Variants in PIK3R4 observed in about 807,000 individuals in gnomAD.
PIK3R4 encodes phosphoinositide 3-kinase regulatory subunit 4.
In PIK3R4, 46 loss-of-function variants were observed where a neutral mutation model predicts 136.5. The observed-to-expected ratio is 0.34, with a 90% confidence interval of 0.27 to 0.43. The LOEUF (loss-of-function observed/expected upper bound fraction) is 0.43, where lower values mean the gene tolerates loss of function less well. Ranked by LOEUF, PIK3R4 falls within the 20% of genes least tolerant of loss-of-function variation. The probability of loss-of-function intolerance (pLI) is 1.00; values close to 1 mark genes in which losing one functional copy is unlikely to be tolerated. For synonymous variants in PIK3R4, 557 were observed against 566.7 expected (o/e 0.98, Z 0.24); for missense variants, 1,331 against 1,649.5 (o/e 0.81, Z 3.35).
chr3:130,728,539 C>A lies in PIK3R4; in HGVS notation c.1731G>T (p.Leu577Phe). Residue 577 changes from leucine (L) to phenylalanine (F), a missense_variant, in exon 6 of 20, where the codon TTG (leucine) becomes TTT (phenylalanine). Physicochemically the swap from Leu to Phe is conservative, Grantham distance 22. This residue lies in a region of PIK3R4 where 1,180 missense variants were observed against 1,407.0 expected (regional missense o/e 0.84). Transcript: ENST00000356763. The part of the protein sequence containing the change: ...FFGRQKANDV[L>F]LSHMITFLND... ...TTAGGAAAGTAATCATGTGGGACAA[C>A]AAAACATCGTTGGCTTTCTGACGTC... 1 of 1,613,712 alleles carries A rather than the reference C, an allele frequency of 6.2e-7. No individual in the cohort carries two copies. The highest frequency in any genetic ancestry group is 1.7e-5 in the Admixed American group (1 of 59,992).
At chr3:130,704,291 T>G (rs567844989) in intron 12 of PIK3R4, among the ~76,000 whole-genome samples, 2 of 152,198 alleles carry the variant, frequency 1.3e-5, no homozygotes, top group African/African-American at 4.8e-5. Flanking sequence ...CAAAGACAGA[T>G]TCTATCATAA....
rs150681586 is a variant in PIK3R4 at position 130,679,904 on chromosome 3, C to T, written c.3907-419G>A. Among the ~76,000 whole-genome samples, 112 of 151,898 alleles carry T rather than the reference C, an allele frequency of 7.4e-4. 1 individual carries two copies. The East Asian group carries it at 0.014, about 19-fold the overall frequency. On this transcript the variant is annotated intron_variant, in intron 19 of 19. Coordinates refer to ENST00000356763, the MANE Select transcript of PIK3R4 (RefSeq NM_014602.3). Reference sequence around the variant, plus strand: ...CATCCTGGCCAACATGGTGAAACCCCGTCTCTACTAAAAATACAAAAATTA... The same window carrying T: ...CATCCTGGCCAACATGGTGAAACCCTGTCTCTACTAAAAATACAAAAATTA...
intron 16 of PIK3R4, 59 bp downstream of exon 16, chr3:130,684,191 G>A: frequency 6.7e-7 from 1 of 1,497,558 alleles, no homozygotes; most frequent in South Asian, 1.2e-5. Flanking sequence ...TTGGCAACAG[G>A]TTATTATGTA....
chr3:130,736,164 A>T (rs902566068), intron 2 of PIK3R4, among the ~76,000 whole-genome samples, 162 bp from the exon 3 acceptor site: 1 of 152,228 alleles, frequency 6.6e-6, no homozygotes, highest in East Asian at 1.9e-4. Flanking sequence ...GCTGACAGGG[A>T]AAATGTCTAT....
intron 13 of PIK3R4, among the ~76,000 whole-genome samples, chr3:130,698,739 C>T (rs1559822338): frequency 6.6e-6 from 1 of 152,142 alleles, no homozygotes; most frequent in Non-Finnish European, 1.5e-5. Context: ...TTGTTCAAAA[C>T]TGTGCATTCA....
chr3:130,686,477 T>C lies in PIK3R4; in HGVS notation c.3264-55A>G, dbSNP rs557244811. On this transcript the variant is annotated intron_variant, in intron 14 of 19. Transcript: ENST00000356763. ...CCAGTCACTGAAAACATAGCACTAG[T>C]CTCCCTTTAAGATGACTTTATATCC... is the stretch of plus-strand genomic sequence containing the variant. The C allele has an allele frequency of 2.8e-3, 2,962 of 1,045,800 alleles. 6 individuals are homozygous for C. The highest frequency in any genetic ancestry group is 3.9e-3 in the Non-Finnish European group (2,612 of 664,490). The allele number at this position is 1,045,800 out of a possible 1,614,324, so 64.8% of individuals were successfully genotyped here. A position where few individuals can be genotyped will look rare whatever the true frequency, so the allele number is the denominator to read the frequency against.
intron 13 of PIK3R4, among the ~76,000 whole-genome samples, chr3:130,698,699 T>A (rs2066559881): frequency 6.6e-6 from 1 of 152,160 alleles, no homozygotes; most frequent in South Asian, 2.1e-4. Flanking sequence ...AAGCCATCCT[T>A]ACTTGTTTCT....
At chr3:130,690,894 CTTTTTTTT>C (rs1247659280) in intron 13 of PIK3R4, among the ~76,000 whole-genome samples, 2 of 131,884 alleles carry the variant, frequency 1.5e-5, no homozygotes, top group Non-Finnish European at 3.2e-5. Context: ...TCCTTCTCCT[CTTTTTTTT>C]TTTTTTTTTT....
At chr3:130,682,283 T>TA (rs1458081111) in intron 16 of PIK3R4, among the ~76,000 whole-genome samples, 1 of 152,070 alleles carries the variant, frequency 6.6e-6, no homozygotes, top group Non-Finnish European at 1.5e-5. Flanking sequence ...GAAAGCAGTA[T>TA]AACAATGAAA....
At chr3:130,685,391 G>A (rs373573228) in intron 15 of PIK3R4, among the ~76,000 whole-genome samples, 2 of 152,196 alleles carry the variant, frequency 1.3e-5, no homozygotes, top group South Asian at 4.1e-4. Context: ...ATATACAATT[G>A]TTTGTCAAAA....
chr3:130,740,986 T>C (rs2066820347), intron 2 of PIK3R4, among the ~76,000 whole-genome samples: 1 of 152,202 alleles, frequency 6.6e-6, no homozygotes, highest in African/African-American at 2.4e-5. Flanking sequence ...GCTTTCAAGT[T>C]TGAAATTACA....
At chr3:130,734,636 A>G (rs538236278) in intron 3 of PIK3R4, among the ~76,000 whole-genome samples, 6 of 152,218 alleles carry the variant, frequency 3.9e-5, no homozygotes, top group Admixed American at 3.3e-4. Context: ...TCTAGGATCT[A>G]ATCAGTAGGG....
intron 2 of PIK3R4, among the ~76,000 whole-genome samples, chr3:130,743,278 G>A (rs1576465850): frequency 6.6e-6 from 1 of 151,908 alleles, no homozygotes; most frequent in Non-Finnish European, 1.5e-5. Context: ...AGTCAACTGG[G>A]TGTGGTGGTG....
intron 2 of PIK3R4, among the ~76,000 whole-genome samples, chr3:130,738,487 A>AAC (rs1346826718): frequency 6.6e-6 from 1 of 152,088 alleles, no homozygotes; most frequent in Non-Finnish European, 1.5e-5. Context: ...AGCAGAGTAC[A>AAC]ACACACACAC....
At chr3:130,679,536 A>G in intron 19 of PIK3R4, 51 bp from the exon 20 acceptor site, 1 of 1,353,784 alleles carries the variant, frequency 7.4e-7, no homozygotes, top group Non-Finnish European at 1.0e-6. Flanking sequence ...TCTGTACCAC[A>G]TTTTTCCTCT....
At chr3:130,695,338 G>A (rs1450327738) in intron 13 of PIK3R4, among the ~76,000 whole-genome samples, 2 of 152,060 alleles carry the variant, frequency 1.3e-5, no homozygotes, top group South Asian at 4.1e-4. Context: ...AAGAATGGAT[G>A]TTACATTAGT....
At chr3:130,687,109 A>C (rs2066494666) in intron 14 of PIK3R4, among the ~76,000 whole-genome samples, 2 of 151,386 alleles carry the variant, frequency 1.3e-5, no homozygotes, top group Admixed American at 6.6e-5. Flanking sequence ...TTGCATATAC[A>C]TAATGAGGTA....
At chr3:130,718,274 C>CT in intron 8 of PIK3R4, 115 bp downstream of exon 8, 1 of 862,490 alleles carries the variant, frequency 1.2e-6, no homozygotes. Context: ...TATAAACATG[C>CT]TATAGCCCAA....
intron 6 of PIK3R4, among the ~76,000 whole-genome samples, chr3:130,726,305 T>G (rs1232152976): frequency 6.6e-6 from 1 of 152,134 alleles, no homozygotes; most frequent in Non-Finnish European, 1.5e-5. Context: ...AGAAAAAGTT[T>G]AAGAAATAAT....
Sources: gnomAD v4.1 joint callset for allele counts (sites outside exome capture counted in the v4.1 genomes callset) on GRCh38, gnomAD v4.1.1 for gene constraint, gnomAD v4.1.1 regional missense constraint, MANE v1.5 for transcripts, NCBI Gene and HGNC (gene_info 2026-07-23, HGNC 2026-07-21) for gene names.